PRPF18: variants seen among roughly 807,000 people sequenced by gnomAD.
PRPF18 encodes pre-mRNA processing factor 18.
A neutral mutation model predicts 46.5 loss-of-function variants in PRPF18; 38 were observed. The ratio of observed to expected loss-of-function variants is 0.82; its 90% CI spans 0.63 to 1.07. The LOEUF is 1.07. Ranked by LOEUF, PRPF18 falls within the 50% of genes least tolerant of loss-of-function variation. The pLI is 0.00. For synonymous variants in PRPF18, 152 were observed against 146.7 expected, an observed-to-expected ratio of 1.04 and a Z score of -0.26; for missense variants, 263 against 410.0, an observed-to-expected ratio of 0.64 and a Z score of 3.10.
At chr10:13,652,050 G>A in the PRPF18 span, 12 of 817,790 alleles carry the variant, frequency 1.5e-5, no homozygotes, top group African/African-American at 3.3e-5. Flanking sequence ...ACACAGACAC[G>A]ATTAGTAGCT....
chr10:13,605,688 T>C lies in PRPF18; in HGVS notation c.307T>C (p.Tyr103His). ...AATCAGACTATTTGGAGAGACTGATTATGATGCTTTTCAACGTTTAAGGAA... is the reference window on the plus strand; with the variant it reads ...AATCAGACTATTTGGAGAGACTGATCATGATGCTTTTCAACGTTTAAGGAA... ...EPIRLFGETD[Y>H]DAFQRLRKIE... Residue 103 changes from tyrosine (Y) to histidine (H), a missense_variant, in exon 4 of 10, where the codon TAT (tyrosine) becomes CAT (histidine). By Grantham distance (83) the Tyr-to-His change is moderately conservative. Coordinates refer to ENST00000378572, the MANE Select transcript of PRPF18 (RefSeq NM_003675.4). 6.2e-7 allele frequency: 1 copy of C among 1,613,784 alleles called. No homozygotes were observed. The highest frequency in any genetic ancestry group is 8.5e-7 in the Non-Finnish European group (1 of 1,179,890).
At chr10:13,589,682 A>T (rs527429789) in intron 1 of PRPF18, among the ~76,000 whole-genome samples, 4 of 152,354 alleles carry the variant, frequency 2.6e-5, no homozygotes, top group South Asian at 4.1e-4. Flanking sequence ...TACAGGACCC[A>T]TGGAAATCCG....
At chr10:13,631,750 G>A (rs1301300866), downstream of PRPF18, 2 of 152,170 alleles carry the variant, frequency 1.3e-5, no homozygotes, top group African/African-American at 2.4e-5. Context: ...TGAACCCTGC[G>A]GCTGTTCCTG....
chr10:13,651,001 T>G, the PRPF18 span: 1 of 152,372 alleles, frequency 6.6e-6, no homozygotes, highest in Non-Finnish European at 1.5e-5. Context: ...TCCTTGTATA[T>G]CTTCTGATAG....
At chr10:13,595,068 A>G (rs533529294) in intron 1 of PRPF18, among the ~76,000 whole-genome samples, 2 of 152,302 alleles carry the variant, frequency 1.3e-5, no homozygotes, top group South Asian at 4.1e-4. Flanking sequence ...TTGTAAGTGC[A>G]TGTTGGTGAA....
At chr10:13,648,754 C>T in the PRPF18 span, 5 of 152,134 alleles carry the variant, frequency 3.3e-5, no homozygotes, top group East Asian at 3.8e-4. Context: ...ATGTAACTAA[C>T]GAATACTGGC....
downstream of PRPF18, chr10:13,630,928 A>T (rs2080584091): frequency 6.6e-6 from 1 of 152,056 alleles, no homozygotes; most frequent in South Asian, 2.1e-4. Context: ...AAGAAGTGTA[A>T]ATTTTAGTAT....
chr10:13,654,309 T>C, the PRPF18 span: 1 of 808,052 alleles, frequency 1.2e-6, no homozygotes, highest in Non-Finnish European at 2.2e-6. Flanking sequence ...CTCCCAGTGA[T>C]GAACCCTCAT....
chr10:13,604,184 T>A (rs2080153026), intron 3 of PRPF18, among the ~76,000 whole-genome samples: 1 of 152,208 alleles, frequency 6.6e-6, no homozygotes, highest in Non-Finnish European at 1.5e-5. Context: ...CTCTTAAATT[T>A]CTGTTTTAAT....
At chr10:13,618,882 T>C (rs2080385565) in intron 9 of PRPF18, among the ~76,000 whole-genome samples, 1 of 152,160 alleles carries the variant, frequency 6.6e-6, no homozygotes, top group Non-Finnish European at 1.5e-5. Flanking sequence ...AGGAGACTCT[T>C]GGTGAGAATC....
intron 9 of PRPF18, among the ~76,000 whole-genome samples, chr10:13,619,954 C>T (rs923431655): frequency 6.6e-6 from 1 of 151,486 alleles, no homozygotes; most frequent in Non-Finnish European, 1.5e-5. Flanking sequence ...GTCTTAAACC[C>T]ATAGTGTAAC....
At chr10:13,588,633 T>A (rs994932268) in intron 1 of PRPF18, among the ~76,000 whole-genome samples, 10 of 152,136 alleles carry the variant, frequency 6.6e-5, no homozygotes, top group East Asian at 1.9e-4. Context: ...CCCAATTTTT[T>A]AAATTCTATT....
chr10:13,606,317 C>T (rs61835269), intron 4 of PRPF18, among the ~76,000 whole-genome samples: 4,661 of 152,262 alleles, frequency 0.031, 103 homozygotes, highest in Non-Finnish European at 0.047. Flanking sequence ...TGGCTTCTTT[C>T]GCTCAGCATA....
chr10:13,626,342 G>C (rs2080504503), intron 9 of PRPF18, among the ~76,000 whole-genome samples: 1 of 152,178 alleles, frequency 6.6e-6, no homozygotes. Context: ...TGATGTTTGG[G>C]CATGTGAGGG....
At chr10:13,613,992 A>T in intron 7 of PRPF18, 23 bp from the exon 8 acceptor site, 1 of 1,558,682 alleles carries the variant, frequency 6.4e-7, no homozygotes, top group East Asian at 2.3e-5. Context: ...TAGCTTCCAA[A>T]ATTTCTTATT....
At chr10:13,644,403 A>G in the PRPF18 span, 39 of 152,326 alleles carry the variant, frequency 2.6e-4, no homozygotes, top group African/African-American at 8.9e-4. Context: ...CTAACGTTTT[A>G]TGTACATTTT....
At chr10:13,639,178 G>A in the PRPF18 span, 1 of 103,496 alleles carries the variant, frequency 9.7e-6, no homozygotes, top group Admixed American at 1.0e-4. Flanking sequence ...AAAAGCCACA[G>A]ATGGAACTGA....
the PRPF18 span, among the ~76,000 whole-genome samples, chr10:13,650,670 C>T: frequency 6.6e-6 from 1 of 152,320 alleles, no homozygotes; most frequent in Non-Finnish European, 1.5e-5. Context: ...GCCTAAGTCC[C>T]TGTCCTAATT....
the PRPF18 span, chr10:13,645,456 C>T: frequency 6.6e-6 from 1 of 152,006 alleles, no homozygotes; most frequent in East Asian, 2.0e-4. Context: ...TAAAGTCGTG[C>T]ACTTGTTACT....
Sources: gnomAD v4.1 joint callset for allele counts (sites outside exome capture counted in the v4.1 genomes callset) on GRCh38, gnomAD v4.1.1 for gene constraint, MANE v1.5 for transcripts, NCBI Gene and HGNC (gene_info 2026-07-23, HGNC 2026-07-21) for gene names.